Variants in WWOX observed in about 807,000 individuals in gnomAD.
WWOX encodes WW domain containing oxidoreductase.
Under a neutral mutation model 46.2 loss-of-function variants are expected in WWOX, and 69 were observed. The ratio of observed to expected loss-of-function variants is 1.49; its 90% CI spans 1.23 to 1.82. The LOEUF is 1.82. Ranked by LOEUF, WWOX falls within the 40% of genes most tolerant of loss-of-function variation. The probability of loss-of-function intolerance (pLI) is 0.00; values close to 1 mark genes in which losing one functional copy is unlikely to be tolerated. For missense variants in WWOX, 919 were observed against 542.6 expected (o/e 1.69, Z -6.89); for synonymous variants, 359 against 202.6 (o/e 1.77, Z -6.56).
At chr16:79,127,260 A>G (rs1206646164) in intron 8 of WWOX, among the ~76,000 whole-genome samples, 25 of 151,994 alleles carry the variant, frequency 1.6e-4, no homozygotes, top group Admixed American at 1.6e-3. Flanking sequence ...TTCCTTTAGC[A>G]CCTAATTCCT....
At chr16:79,022,354 A>G (rs2047551034) in intron 8 of WWOX, among the ~76,000 whole-genome samples, 1 of 151,764 alleles carries the variant, frequency 6.6e-6, no homozygotes, top group African/African-American at 2.4e-5. Context: ...CAAAAAAAAA[A>G]AAAAAAAAAA....
intron 8 of WWOX, among the ~76,000 whole-genome samples, chr16:78,754,420 C>T (rs1228907516): frequency 1.3e-5 from 2 of 152,106 alleles, no homozygotes; most frequent in African/African-American, 4.8e-5. Context: ...ATTTGTAGAT[C>T]AGGGTTTTGA....
chr16:78,527,820 G>A (rs891075125), intron 8 of WWOX, among the ~76,000 whole-genome samples: 1 of 151,494 alleles, frequency 6.6e-6, no homozygotes, highest in Admixed American at 6.6e-5. Flanking sequence ...TAGAGGATAG[G>A]GGGGAAAAGG....
At chr16:79,083,908 C>G (rs754084333) in intron 8 of WWOX, among the ~76,000 whole-genome samples, 10 of 152,166 alleles carry the variant, frequency 6.6e-5, no homozygotes, top group South Asian at 4.1e-4. Flanking sequence ...CATCTTCCTG[C>G]GGTGGGTTTC....
intron 8 of WWOX, among the ~76,000 whole-genome samples, chr16:79,068,522 G>C (rs1273170545): frequency 3.3e-5 from 5 of 152,010 alleles, no homozygotes; most frequent in African/African-American, 1.2e-4. Context: ...ACAGAGACGT[G>C]GCTGGTCACG....
chr16:78,636,680 G>A (rs1320732990), intron 8 of WWOX, among the ~76,000 whole-genome samples: 1 of 152,122 alleles, frequency 6.6e-6, no homozygotes, highest in African/African-American at 2.4e-5. Flanking sequence ...AAAGGTAAGT[G>A]CTCACTTACT....
chr16:78,936,073 A>C (rs961823781), intron 8 of WWOX, among the ~76,000 whole-genome samples: 1 of 151,946 alleles, frequency 6.6e-6, no homozygotes, highest in Admixed American at 6.6e-5. Flanking sequence ...ATAAGTTGGG[A>C]GGGTAAGTAA....
At position 78,313,686 on chromosome 16, in the gene WWOX, G is replaced by A. The variant is rs562068074; in HGVS notation, c.517-73174G>A. The stretch of plus-strand genomic sequence containing the variant: ...AGGCCTATTGTTTTTCCTACGTACC[G>A]TGATTGCTTGCTTTCTTCTCTGTCG... On this transcript the variant is annotated intron_variant, in intron 5 of 8. Coordinates refer to ENST00000566780, the MANE Select transcript of WWOX (RefSeq NM_016373.4). 8.5e-5 allele frequency among the ~76,000 whole-genome samples: 13 copies of A among 152,220 alleles called. No individual in the cohort carries two copies. In the East Asian group the frequency reaches 9.7e-4, roughly 11 times the overall value.
At chr16:78,908,870 G>A (rs1186161962) in intron 8 of WWOX, among the ~76,000 whole-genome samples, 1 of 152,186 alleles carries the variant, frequency 6.6e-6, no homozygotes, top group Non-Finnish European at 1.5e-5. Context: ...TTACCATAGT[G>A]ACATTATCCC....
At chr16:78,101,402 C>G (rs1041964434) in intron 1 of WWOX, among the ~76,000 whole-genome samples, 8 of 135,606 alleles carry the variant, frequency 5.9e-5, no homozygotes, top group Non-Finnish European at 1.3e-4. Context: ...ACTGGAGTGC[C>G]GTGGTGCGAT....
chr16:78,494,062 G>T (rs898326323), intron 8 of WWOX, among the ~76,000 whole-genome samples: 1 of 152,156 alleles, frequency 6.6e-6, no homozygotes, highest in Non-Finnish European at 1.5e-5. Flanking sequence ...TGCCTCTCGG[G>T]AGGCCTCAGG....
At chr16:78,440,753 G>A (rs2083427229) in intron 8 of WWOX, among the ~76,000 whole-genome samples, 1 of 151,660 alleles carries the variant, frequency 6.6e-6, no homozygotes, top group African/African-American at 2.4e-5. Context: ...CAAGTAGCTG[G>A]GATTACAAGC....
At chr16:78,783,720 ATGATGT>A (rs924174517) in intron 8 of WWOX, among the ~76,000 whole-genome samples, 15 of 76,982 alleles carry the variant, frequency 1.9e-4, no homozygotes, top group African/African-American at 6.1e-4. Context: ...GATGAGGGTG[ATGATGT>A]TGATGTTGAT....
At chr16:78,578,771 T>C (rs578122159) in intron 8 of WWOX, among the ~76,000 whole-genome samples, 1 of 152,326 alleles carries the variant, frequency 6.6e-6, no homozygotes, top group Non-Finnish European at 1.5e-5. Flanking sequence ...ACCGCATGGT[T>C]TTCTGAAAGC....
chr16:78,993,756 C>T (rs574362800), intron 8 of WWOX, among the ~76,000 whole-genome samples: 5 of 152,196 alleles, frequency 3.3e-5, no homozygotes, highest in Non-Finnish European at 7.3e-5. Context: ...ACACACTCGC[C>T]AGACTCCATG....
chr16:78,568,504 C>T (rs1465161236), intron 8 of WWOX, among the ~76,000 whole-genome samples: 5 of 130,674 alleles, frequency 3.8e-5, no homozygotes, highest in Admixed American at 1.7e-4. Context: ...GAGTTGGAGT[C>T]GCACTCTTTC....
chr16:78,859,357 G>C (rs2052663108), intron 8 of WWOX, among the ~76,000 whole-genome samples: 1 of 151,952 alleles, frequency 6.6e-6, no homozygotes. Context: ...TAATAAATTA[G>C]AAGAGCTCTG....
At chr16:78,272,557 C>T (rs948686229) in intron 5 of WWOX, among the ~76,000 whole-genome samples, 1 of 152,158 alleles carries the variant, frequency 6.6e-6, no homozygotes, top group Admixed American at 6.5e-5. Context: ...GTAGAAGTGA[C>T]AAAGAATTTG....
chr16:78,686,031 TAA>T (rs762126584), intron 8 of WWOX, among the ~76,000 whole-genome samples: 3 of 151,404 alleles, frequency 2.0e-5, no homozygotes, highest in Non-Finnish European at 4.4e-5. Flanking sequence ...AAGGAAGAAA[TAA>T]AGAGAATGAG....
Sources: gnomAD v4.1 joint callset for allele counts (sites outside exome capture counted in the v4.1 genomes callset) on GRCh38, gnomAD v4.1.1 for gene constraint, MANE v1.5 for transcripts, NCBI Gene and HGNC (gene_info 2026-07-23, HGNC 2026-07-21) for gene names.